NRXN1: variants seen among roughly 807,000 people sequenced by gnomAD.
NRXN1 encodes the protein neurexin-1.
Under a neutral mutation model 150.9 loss-of-function variants are expected in NRXN1, and 39 were observed. That is an observed-to-expected ratio of 0.26 (90% CI 0.20 to 0.34). The LOEUF (loss-of-function observed/expected upper bound fraction) is 0.34, where lower values mean the gene tolerates loss of function less well. Ranked by LOEUF, NRXN1 falls within the 10% of genes least tolerant of loss-of-function variation. The pLI is 1.00. For missense variants in NRXN1, 1,815 were observed against 1,949.9 expected, an observed-to-expected ratio of 0.93 and a Z score of 1.30; for synonymous variants, 924 against 757.0, an observed-to-expected ratio of 1.22 and a Z score of -3.62.
intron 5 of NRXN1, among the ~76,000 whole-genome samples, chr2:50,809,858 AATC>A (rs968706836): frequency 2.6e-5 from 4 of 152,168 alleles, no homozygotes; most frequent in Admixed American, 1.3e-4. Context: ...CTGAAGGAGA[AATC>A]ATCTACTAAA....
At chr2:50,581,016 T>C (rs1466505392) in intron 8 of NRXN1, among the ~76,000 whole-genome samples, 1 of 152,176 alleles carries the variant, frequency 6.6e-6, no homozygotes, top group African/African-American at 2.4e-5. Flanking sequence ...AAAATACTTT[T>C]TTGGAGGACA....
intron 2 of NRXN1, among the ~76,000 whole-genome samples, chr2:50,988,742 G>A (rs771709000): frequency 2.6e-5 from 4 of 152,004 alleles, no homozygotes; most frequent in East Asian, 1.9e-4. Context: ...GAACACAGGC[G>A]TTAGCAGCTG....
At position 50,359,169 on chromosome 2, in the gene NRXN1, T is replaced by A. The variant is rs897248372; in HGVS notation, c.3364+106273A>T. Among the ~76,000 whole-genome samples the A allele has an allele frequency of 1.9e-4, 29 of 151,862 alleles. 1 individual carries two copies. Among genetic ancestry groups the A allele is most frequent in the African/African-American group, 6.5e-4 (27 of 41,408 alleles). ...TGAAGAAAAACCAGTGCAAAGAGGC[T>A]GAGAATTTCAAAAACCAGAATTCCT... On this transcript the variant is annotated intron_variant, in intron 17 of 22. Coordinates refer to ENST00000401669, the MANE Select transcript of NRXN1 (RefSeq NM_001330078.2).
intron 17 of NRXN1, among the ~76,000 whole-genome samples, chr2:50,327,551 T>C (rs1342405506): frequency 6.6e-6 from 1 of 152,194 alleles, no homozygotes; most frequent in Non-Finnish European, 1.5e-5. Context: ...ATTTCATTGT[T>C]AAATAGAAGT....
chr2:50,185,086 C>A (rs2060978681), intron 18 of NRXN1, among the ~76,000 whole-genome samples: 1 of 151,998 alleles, frequency 6.6e-6, no homozygotes, highest in Non-Finnish European at 1.5e-5. Context: ...AAGTCAAAGC[C>A]TGTGGGAAAG....
intron 21 of NRXN1, among the ~76,000 whole-genome samples, chr2:50,026,752 G>A (rs896860378): frequency 2.0e-5 from 3 of 149,778 alleles, no homozygotes; most frequent in East Asian, 2.0e-4. Flanking sequence ...TATATCACCC[G>A]AAAATGAAGC....
intron 8 of NRXN1, among the ~76,000 whole-genome samples, chr2:50,585,323 C>A (rs1379762126): frequency 6.6e-6 from 1 of 152,098 alleles, no homozygotes; most frequent in African/African-American, 2.4e-5. Context: ...CTAAAGTAGT[C>A]AACTCCAGAG....
At chr2:50,242,635 T>C (rs1283575283) in intron 17 of NRXN1, among the ~76,000 whole-genome samples, 3 of 151,708 alleles carry the variant, frequency 2.0e-5, no homozygotes, top group African/African-American at 7.3e-5. Flanking sequence ...AAAAATTAAT[T>C]ACAATAATTA....
intron 21 of NRXN1, among the ~76,000 whole-genome samples, chr2:50,019,973 AG>A (rs1227774230): frequency 0.073 from 3,280 of 45,220 alleles, 192 homozygotes; most frequent in African/African-American, 0.16. Context: ...AAAAAAAAAA[AG>A]AGAGAGAGAG....
chr2:50,998,065 C>T (rs923443004), intron 2 of NRXN1, among the ~76,000 whole-genome samples: 11 of 141,334 alleles, frequency 7.8e-5, no homozygotes, highest in African/African-American at 2.1e-4. Context: ...AGCAAGATGA[C>T]GACAGACCAA....
At chr2:50,224,601 T>C (rs1321528534) in intron 18 of NRXN1, among the ~76,000 whole-genome samples, 1 of 150,566 alleles carries the variant, frequency 6.6e-6, no homozygotes, top group African/African-American at 2.4e-5. Flanking sequence ...TTTTTACAAC[T>C]CAACAAATGG....
chr2:50,964,911 T>A (rs561695586), intron 2 of NRXN1, among the ~76,000 whole-genome samples: 32 of 151,446 alleles, frequency 2.1e-4, no homozygotes, highest in Non-Finnish European at 4.4e-4. Flanking sequence ...GTAGGCAACA[T>A]ACTCTGGAAT....
chr2:50,118,685 A>G (rs902206757), intron 18 of NRXN1, among the ~76,000 whole-genome samples: 7 of 152,136 alleles, frequency 4.6e-5, no homozygotes, highest in African/African-American at 1.4e-4. Flanking sequence ...AACTATAGTA[A>G]TGAACTACTG....
intron 5 of NRXN1, among the ~76,000 whole-genome samples, chr2:50,635,539 T>C (rs1683111436): frequency 6.6e-6 from 1 of 152,094 alleles, no homozygotes; most frequent in South Asian, 2.1e-4. Flanking sequence ...CAGAAAGGCA[T>C]AGGGCAGGCC....
In NRXN1 at chr2:50,951,942, AATATAT is replaced by A. The variant is rs1165247495; in HGVS notation, c.773-25993_773-25988del. ...AGAGTAGCAAAACTGTACATGAATA[AATATAT>A]ATATATATATATATATTTTTTTTTT... On this transcript the variant is annotated intron_variant, in intron 2 of 22. Transcript: ENST00000401669. 2.9e-4 allele frequency among the ~76,000 whole-genome samples: 33 copies of A among 112,792 alleles called. 1 individual carries two copies. Among genetic ancestry groups the A allele is most frequent in the South Asian group, 5.9e-4 (2 of 3,410 alleles). 74.0% of individuals were successfully genotyped at this position (112,792 alleles called of 152,430 possible).
At chr2:50,241,884 T>G (rs2152886853) in intron 17 of NRXN1, among the ~76,000 whole-genome samples, 1 of 151,890 alleles carries the variant, frequency 6.6e-6, no homozygotes, top group East Asian at 1.9e-4. Flanking sequence ...AGATTGAAAC[T>G]TTCTGAAAAA....
intron 5 of NRXN1, among the ~76,000 whole-genome samples, chr2:50,663,594 C>T (rs1217792192): frequency 1.3e-5 from 2 of 151,966 alleles, no homozygotes; most frequent in Non-Finnish European, 2.9e-5. Flanking sequence ...TTGGCTAATT[C>T]TGTTTGGGTT....
At chr2:50,817,583 T>C (rs1471200858) in intron 5 of NRXN1, among the ~76,000 whole-genome samples, 2 of 152,058 alleles carry the variant, frequency 1.3e-5, no homozygotes, top group Non-Finnish European at 2.9e-5. Context: ...ATATCCCTAG[T>C]GAACACAGAT....
At chr2:51,009,317 T>C (rs1171452479) in intron 2 of NRXN1, 1 of 151,980 alleles carries the variant, frequency 6.6e-6, no homozygotes, top group Non-Finnish European at 1.5e-5. Context: ...GCATTTTGGG[T>C]TAGATATGAA....
Sources: gnomAD v4.1 joint callset for allele counts (sites outside exome capture counted in the v4.1 genomes callset) on GRCh38, gnomAD v4.1.1 for gene constraint, MANE v1.5 for transcripts, NCBI Gene and HGNC (gene_info 2026-07-23, HGNC 2026-07-21) for gene names.